The following PARD3 variants were observed in gnomAD, a reference collection of about 807,000 sequenced individuals.
PARD3 encodes partitioning defective 3 homolog.
A neutral mutation model predicts 155.4 loss-of-function variants in PARD3; 75 were observed. The observed-to-expected ratio is 0.48, with a 90% CI of 0.40 to 0.58. PARD3 has a LOEUF of 0.58. Among genes scored for constraint, PARD3 ranks in the 20% least tolerant of loss-of-function variants. PARD3 has a pLI of 0.00. For synonymous variants in PARD3, 576 were observed against 610.5 expected (o/e 0.94, Z 0.83); for missense variants, 1,642 against 1,721.7 (o/e 0.95, Z 0.82).
chr10:34,683,281 C>T (rs954197555), intron 2 of PARD3, among the ~76,000 whole-genome samples: 4 of 151,930 alleles, frequency 2.6e-5, no homozygotes, highest in Admixed American at 6.6e-5. Context: ...AACTATTTAC[C>T]GGGTACTACA....
At chr10:34,378,271 T>G (rs1841458472) in intron 9 of PARD3, among the ~76,000 whole-genome samples, 165 bp from the exon 10 acceptor site, 1 of 152,234 alleles carries the variant, frequency 6.6e-6, no homozygotes, top group Non-Finnish European at 1.5e-5. Context: ...CAAAATAGAC[T>G]AAATTGTGGA....
intron 2 of PARD3, among the ~76,000 whole-genome samples, chr10:34,690,494 A>C (rs763139446): frequency 1.4e-4 from 21 of 152,154 alleles, no homozygotes; most frequent in Non-Finnish European, 2.4e-4. Context: ...GGTACTGCAT[A>C]ACCCTTCAGG....
intron 12 of PARD3, among the ~76,000 whole-genome samples, chr10:34,369,638 G>A (rs1458158620): frequency 6.6e-6 from 1 of 152,148 alleles, no homozygotes; most frequent in Non-Finnish European, 1.5e-5. Context: ...GTTCCTGACA[G>A]AAGTAATATA....
chr10:34,592,191 A>G (rs1176834995), intron 2 of PARD3, among the ~76,000 whole-genome samples: 2 of 152,054 alleles, frequency 1.3e-5, no homozygotes. Context: ...ATGATACACA[A>G]CTCCCAGTGA....
intron 22 of PARD3, among the ~76,000 whole-genome samples, chr10:34,183,733 G>A (rs1360549482): frequency 6.6e-6 from 1 of 152,186 alleles, no homozygotes; most frequent in African/African-American, 2.4e-5. Context: ...CCACTTTTCT[G>A]CCGCACACTG....
At position 34,571,557 on chromosome 10, in the gene PARD3, C is replaced by T. The variant is rs181502543; in HGVS notation, c.223-54398G>A. 5.3e-4 allele frequency among the ~76,000 whole-genome samples: 80 copies of T among 152,216 alleles called. 2 individuals carry two copies. In the East Asian group the frequency reaches 0.015, roughly 28 times the overall value. On this transcript the variant is annotated intron_variant, in intron 2 of 24. Transcript: ENST00000374788. ...TACTATAAAACATAAAGTCACAAGGCTTCCTCTTCAGCATGGTGTAGCAAA... is the reference window on the plus strand; with the variant it reads ...TACTATAAAACATAAAGTCACAAGGTTTCCTCTTCAGCATGGTGTAGCAAA...
At chr10:34,425,305 C>T (rs1363767195) in intron 5 of PARD3, among the ~76,000 whole-genome samples, 1 of 152,148 alleles carries the variant, frequency 6.6e-6, no homozygotes, top group Non-Finnish European at 1.5e-5. Flanking sequence ...TAACGTTATA[C>T]ATTTGGATAC....
rs61342514 is a variant in PARD3, at chr10:34,727,878, CCACA to C, written c.121-31463_121-31460del. On this transcript the variant is annotated intron_variant, in intron 1 of 24. Coordinates refer to ENST00000374788, the MANE Select transcript of PARD3 (RefSeq NM_001184785.2). ...ACAAGTATGCAACCCCCTCCCTCCG[CCACA>C]CACACACACACACACACACACACAC... Among the ~76,000 whole-genome samples, 62 of 144,714 alleles carry C rather than the reference CCACA, an allele frequency of 4.3e-4. 3 individuals carry two copies. The highest frequency in any genetic ancestry group is 2.0e-3 in the Admixed American group (29 of 14,590). The allele number at this position is 144,714 out of a possible 152,430, so 94.9% of individuals were successfully genotyped here. A position where few individuals can be genotyped will look rare whatever the true frequency, so the allele number is the denominator to read the frequency against.
intron 1 of PARD3, among the ~76,000 whole-genome samples, chr10:34,711,649 GAACA>G (rs1320727349): frequency 6.6e-6 from 1 of 151,974 alleles, no homozygotes; most frequent in African/African-American, 2.4e-5. Flanking sequence ...TTTTAGCATA[GAACA>G]AACAAAGCAC....
chr10:34,388,088 C>A (rs1842525350), intron 7 of PARD3, among the ~76,000 whole-genome samples: 3 of 152,004 alleles, frequency 2.0e-5, no homozygotes, highest in African/African-American at 2.4e-5. Context: ...TGATGGGGGG[C>A]TGGGAGATAG....
At chr10:34,113,247 C>A (rs1041032039) in intron 24 of PARD3, among the ~76,000 whole-genome samples, 3 of 152,138 alleles carry the variant, frequency 2.0e-5, no homozygotes, top group Non-Finnish European at 4.4e-5. Context: ...CTTCATGGAG[C>A]CCCAGGCTTC....
chr10:34,609,841 T>G (rs527827603), intron 2 of PARD3, among the ~76,000 whole-genome samples: 2 of 152,322 alleles, frequency 1.3e-5, no homozygotes, highest in East Asian at 1.9e-4. Flanking sequence ...TTGATCGTGT[T>G]TTTAAAACCA....
At chr10:34,711,457 G>A (rs946430399) in intron 1 of PARD3, among the ~76,000 whole-genome samples, 2 of 151,862 alleles carry the variant, frequency 1.3e-5, no homozygotes, top group African/African-American at 4.8e-5. Context: ...GGAGGTGAAG[G>A]CTGCAGTGAG....
chr10:34,159,693 T>C lies in PARD3; in HGVS notation c.3420-28110A>G, dbSNP rs146557708. 1.8e-3 allele frequency among the ~76,000 whole-genome samples: 273 copies of C among 152,348 alleles called. 3 individuals carry two copies. The highest frequency in any genetic ancestry group is 6.1e-3 in the African/African-American group (252 of 41,580). ...GTATCTACAACAAACAAAGCTAATG[T>C]AGCTATTTAGCACTTTCTATACATG... is the stretch of plus-strand genomic sequence containing the variant. On this transcript the variant is annotated intron_variant, in intron 22 of 24. Transcript: ENST00000374788.
At chr10:34,630,758 G>A (rs984409354) in intron 2 of PARD3, among the ~76,000 whole-genome samples, 1 of 151,600 alleles carries the variant, frequency 6.6e-6, no homozygotes, top group African/African-American at 2.4e-5. Flanking sequence ...ATCCTCCAAG[G>A]CTGTGCTAGG....
chr10:34,572,694 C>G (rs1357320388), intron 2 of PARD3, among the ~76,000 whole-genome samples: 1 of 151,120 alleles, frequency 6.6e-6, no homozygotes, highest in African/African-American at 2.4e-5. Context: ...TCAGATGAAC[C>G]ATTAAGTAGT....
At chr10:34,448,463 C>T (rs34590811) in intron 5 of PARD3, among the ~76,000 whole-genome samples, 67,824 of 151,798 alleles carry the variant, frequency 0.45, 17,623 homozygotes, top group African/African-American at 0.72. Context: ...GGAGACCTAA[C>T]GTATAGCATT....
intron 2 of PARD3, among the ~76,000 whole-genome samples, chr10:34,649,515 CAAACATATGGTAT>C (rs1216246126): frequency 6.6e-6 from 1 of 152,186 alleles, no homozygotes; most frequent in African/African-American, 2.4e-5. Context: ...AAGGTACAGT[CAAACATATGGTAT>C]AAAGGGTGAA....
intron 21 of PARD3, among the ~76,000 whole-genome samples, chr10:34,279,141 C>CTT (rs143467605): frequency 0.31 from 31,260 of 101,764 alleles, 5,363 homozygotes; most frequent in South Asian, 0.44. Context: ...ATATTTTTTC[C>CTT]TTTTTTTTTT....
Sources: allele counts gnomAD v4.1 joint callset (sites outside exome capture counted in the v4.1 genomes callset), GRCh38; gene constraint gnomAD v4.1.1; transcripts MANE v1.5; gene names NCBI Gene and HGNC (gene_info 2026-07-23, HGNC 2026-07-21).